The following FRMPD1 variants were observed in gnomAD, a reference collection of about 807,000 sequenced individuals.
FRMPD1 encodes FERM and PDZ domain-containing protein 1.
FRMPD1 carries 76 observed loss-of-function variants against 117.8 expected under a neutral mutation model. That is an observed-to-expected ratio of 0.65 (90% CI 0.54 to 0.78). The LOEUF (loss-of-function observed/expected upper bound fraction) is 0.78, where lower values mean the gene tolerates loss of function less well. Ranked by LOEUF, FRMPD1 falls within the 30% of genes least tolerant of loss-of-function variation. FRMPD1 has a pLI of 0.00. For synonymous variants in FRMPD1, 783 were observed against 770.4 expected (o/e 1.02, Z -0.27); for missense variants, 1,786 against 1,964.5 (o/e 0.91, Z 1.72).
At chr9:37,650,686 C>A (rs566713531), upstream of FRMPD1, among the ~76,000 whole-genome samples, 1 of 152,130 alleles carries the variant, frequency 6.6e-6, no homozygotes, top group African/African-American at 2.4e-5. Flanking sequence ...TCAGTCTCCC[C>A]CCTGGGTACT....
At chr9:37,608,398 C>G in the FRMPD1 span, among the ~76,000 whole-genome samples, 1 of 111,358 alleles carries the variant, frequency 9.0e-6, no homozygotes, top group African/African-American at 3.0e-5. Flanking sequence ...TTTTTTTTTT[C>G]TATCTTTCTC....
chr9:37,706,959 C>T (rs1217006495), intron 2 of FRMPD1, among the ~76,000 whole-genome samples: 2 of 151,592 alleles, frequency 1.3e-5, no homozygotes, highest in African/African-American at 2.4e-5. Flanking sequence ...TCCATCCATC[C>T]ATCCATCCAT....
Position 37,746,845 on chromosome 9 carries a change from AC to A in FRMPD1, c.*79del. Reference sequence around the variant, plus strand: ...CCTGAGAAGCCCCTTCCACTCTCCCACCCACCCTCTTCAAATGTTTACTATA... The same window carrying A: ...CCTGAGAAGCCCCTTCCACTCTCCCACCACCCTCTTCAAATGTTTACTATA... On this transcript the variant is annotated 3_prime_UTR_variant, in exon 16 of 16. Transcript: ENST00000377765. 2 of 923,054 alleles carry A rather than the reference AC, an allele frequency of 2.2e-6. No individual in the cohort carries two copies. The highest frequency in any genetic ancestry group is 1.7e-6 in the Non-Finnish European group (1 of 583,178). 57.2% of individuals were successfully genotyped at this position (923,054 alleles called of 1,614,324 possible). A position where few individuals can be genotyped will look rare whatever the true frequency, so the allele number is the denominator to read the frequency against.
chr9:37,637,298 G>C, the FRMPD1 span: 1 of 1,413,858 alleles, frequency 7.1e-7, no homozygotes, highest in East Asian at 2.3e-5. Context: ...GTTCATGGCG[G>C]CGGCGGAAGC....
rs1435654126 is a variant in FRMPD1, at chr9:37,690,205, A to C, written c.-4-2433A>C. Among the ~76,000 whole-genome samples, 3 of 151,608 alleles carry C rather than the reference A, an allele frequency of 2.0e-5. No homozygotes were observed. The South Asian group carries it at 6.3e-4, about 32-fold the overall frequency. On this transcript the variant is annotated intron_variant, in intron 1 of 15. Coordinates refer to ENST00000377765, the MANE Select transcript of FRMPD1 (RefSeq NM_014907.3). Reference sequence around the variant, plus strand: ...GTTTTCTCTGTCTTTGGCTTTGGTTACTCTTCCTACAGTCTTTCATTGACT... The same window carrying C: ...GTTTTCTCTGTCTTTGGCTTTGGTTCCTCTTCCTACAGTCTTTCATTGACT...
At chr9:37,706,772 C>A (rs55938761) in intron 2 of FRMPD1, among the ~76,000 whole-genome samples, 21,290 of 152,174 alleles carry the variant, frequency 0.14, 1,687 homozygotes, top group Middle Eastern at 0.19. Context: ...CAAAGAAAAA[C>A]ATCACCAAAG....
upstream of FRMPD1, among the ~76,000 whole-genome samples, chr9:37,650,709 C>A (rs1488030700): frequency 6.6e-6 from 1 of 152,122 alleles, no homozygotes; most frequent in Non-Finnish European, 1.5e-5. Context: ...GCGGACGCTG[C>A]GTGCCCCGGC....
the FRMPD1 span, among the ~76,000 whole-genome samples, chr9:37,614,368 A>T: frequency 6.6e-6 from 1 of 152,248 alleles, no homozygotes; most frequent in Non-Finnish European, 1.5e-5. Context: ...GATCCCAATG[A>T]GACAGGCAGG....
the FRMPD1 span, among the ~76,000 whole-genome samples, chr9:37,633,551 C>G: frequency 7.2e-5 from 11 of 152,264 alleles, no homozygotes; most frequent in African/African-American, 2.6e-4. Flanking sequence ...GTGCTGTAAA[C>G]TAGGTCTCTG....
the FRMPD1 span, among the ~76,000 whole-genome samples, chr9:37,611,941 C>T: frequency 6.6e-6 from 1 of 152,138 alleles, no homozygotes; most frequent in South Asian, 2.1e-4. Flanking sequence ...AGGAGAGAGG[C>T]CAGTGGCGAT....
At chr9:37,637,103 G>A in the FRMPD1 span, 10 of 1,586,534 alleles carry the variant, frequency 6.3e-6, no homozygotes, top group African/African-American at 2.7e-5. Flanking sequence ...CTGGCCCGCC[G>A]TGTCCCAGAT....
rs576858607 is a variant in FRMPD1, at chr9:37,725,983, G to A, written c.612+1663G>A. Among the ~76,000 whole-genome samples the A allele has an allele frequency of 1.6e-4, 24 of 152,276 alleles. No homozygotes were observed. The East Asian group carries it at 1.9e-3, about 12-fold the overall frequency. On this transcript the variant is annotated intron_variant, in intron 7 of 15. Transcript: ENST00000377765. ...AATAGAAGGGTTGATTTTTTTTAAA[G>A]CAAGTCCCCCTTTGGTGGCCAAAAG... is the stretch of plus-strand genomic sequence containing the variant.
chr9:37,653,117 G>A (rs1292294012), intron 1 of FRMPD1, among the ~76,000 whole-genome samples: 1 of 152,146 alleles, frequency 6.6e-6, no homozygotes, highest in African/African-American at 2.4e-5. Flanking sequence ...AGCGGGAAGA[G>A]GCTCTGGAGG....
At chr9:37,637,042 G>A in the FRMPD1 span, 8 of 1,543,698 alleles carry the variant, frequency 5.2e-6, no homozygotes, top group East Asian at 1.1e-4. Flanking sequence ...ATACCACGAG[G>A]AAGCCATGAG....
At chr9:37,636,756 C>A in the FRMPD1 span, 1 of 1,602,384 alleles carries the variant, frequency 6.2e-7, no homozygotes, top group Non-Finnish European at 8.5e-7. Flanking sequence ...CGCTCGCCCC[C>A]GGAGGCTGCT....
In FRMPD1 at chr9:37,719,129, G is replaced by A. The variant is rs756042056; in HGVS notation, c.469G>A (p.Val157Met). 9.3e-6 allele frequency: 15 copies of A among 1,613,620 alleles called. No individual in the cohort carries two copies. Among genetic ancestry groups the A allele is most frequent in the Admixed American group, 8.3e-5 (5 of 60,014 alleles). The change falls in exon 6 of 16, where the codon GTG (valine) becomes ATG (methionine). Residue 157 changes from valine to methionine, a missense_variant. Transcript: ENST00000377765. Reference protein sequence around the residue: ...EKRARLKTNPVKVHFAEEVLI... With the variant: ...EKRARLKTNPMKVHFAEEVLI... ...GAGAGCCAGACTGAAGACCAACCCCGTGAAGGTGCACTTTGCTGAAGAAGT... is the reference window on the plus strand; with the variant it reads ...GAGAGCCAGACTGAAGACCAACCCCATGAAGGTGCACTTTGCTGAAGAAGT...
At chr9:37,698,549 C>CTTTTTTTTT (rs531498194) in intron 2 of FRMPD1, among the ~76,000 whole-genome samples, 16 of 74,600 alleles carry the variant, frequency 2.1e-4, no homozygotes, top group African/African-American at 4.0e-4. Flanking sequence ...ATCTCATTAT[C>CTTTTTTTTT]TTTTTTTTTT....
intron 5 of FRMPD1, among the ~76,000 whole-genome samples, chr9:37,712,212 T>G (rs1317125999): frequency 2.6e-5 from 4 of 152,096 alleles, no homozygotes; most frequent in African/African-American, 4.8e-5. Flanking sequence ...AAATAGAAGC[T>G]AATAACTATT....
At chr9:37,658,497 A>C (rs1186159728) in intron 1 of FRMPD1, among the ~76,000 whole-genome samples, 1 of 152,192 alleles carries the variant, frequency 6.6e-6, no homozygotes, top group East Asian at 1.9e-4. Context: ...AAACAGCAGA[A>C]CTGTGTCCTT....
Sources: allele counts gnomAD v4.1 joint callset (sites outside exome capture counted in the v4.1 genomes callset), GRCh38; gene constraint gnomAD v4.1.1; transcripts MANE v1.5; gene names NCBI Gene and HGNC (gene_info 2026-07-23, HGNC 2026-07-21).